Variants in CD47 observed in about 807,000 individuals in gnomAD.
CD47 encodes the protein leukocyte surface antigen CD47.
In CD47, 11 loss-of-function variants were observed where a neutral mutation model predicts 44.6. The ratio of observed to expected loss-of-function variants is 0.25; its 90% confidence interval spans 0.16 to 0.41. CD47 has a LOEUF of 0.41. CD47 is among the 10% of genes least tolerant of loss of function. The pLI is 1.00. For synonymous variants in CD47, 140 were observed against 136.3 expected (o/e 1.03, Z -0.19); for missense variants, 306 against 386.7 (o/e 0.79, Z 1.75).
At position 108,044,107 on chromosome 3, in the gene CD47, A is replaced by G. The variant is rs907829169; in HGVS notation, c.*3181T>C. The G allele has an allele frequency of 7.9e-5, 12 of 152,686 alleles. No homozygotes were observed. Among genetic ancestry groups the G allele is most frequent in the African/African-American group, 2.9e-4 (12 of 41,474 alleles). The allele number at this position is 152,686 out of a possible 1,614,324, so 9.5% of individuals were successfully genotyped here. ...AAGGAGTATGTGTTTCCATACATAC[A>G]CCACAGATCCCCATTTTTGAATACC... On this transcript the variant is annotated 3_prime_UTR_variant, in exon 11 of 11. Transcript: ENST00000361309.
chr3:108,089,460 T>C (rs2079586111), intron 1 of CD47, among the ~76,000 whole-genome samples: 1 of 152,238 alleles, frequency 6.6e-6, no homozygotes, highest in South Asian at 2.1e-4. Context: ...TTTTACTTTT[T>C]AGGCAGTTTG....
chr3:108,057,654 G>A, intron 6 of CD47, 85 bp from the exon 7 acceptor site: 1 of 723,722 alleles, frequency 1.4e-6, no homozygotes. Flanking sequence ...TTTTAAGAGA[G>A]TTATTCTAAC....
chr3:108,084,210 C>T (rs1486246170), intron 1 of CD47, among the ~76,000 whole-genome samples: 4 of 152,060 alleles, frequency 2.6e-5, no homozygotes, highest in Non-Finnish European at 5.9e-5. Context: ...TTCACCCCTA[C>T]TTCTTCATTA....
chr3:108,077,056 T>A (rs963079448), intron 2 of CD47, among the ~76,000 whole-genome samples: 1 of 152,160 alleles, frequency 6.6e-6, no homozygotes, highest in Admixed American at 6.5e-5. Context: ...CTATATCTTA[T>A]AGTGTTTCCA....
chr3:108,061,989 A>C (rs2079023089), intron 3 of CD47, among the ~76,000 whole-genome samples: 1 of 152,218 alleles, frequency 6.6e-6, no homozygotes, highest in African/African-American at 2.4e-5. Flanking sequence ...TATGACAGGT[A>C]CCTAAATATT....
intron 2 of CD47, among the ~76,000 whole-genome samples, chr3:108,074,991 G>C (rs1271778206): frequency 2.6e-5 from 4 of 152,200 alleles, no homozygotes; most frequent in Non-Finnish European, 5.9e-5. Context: ...GTTAACTCTT[G>C]TTCCTCAAGG....
rs140638830 is a variant in CD47 at position 108,069,952 on chromosome 3, TAA to T, written c.490+1139_490+1140del. 3.0e-3 allele frequency among the ~76,000 whole-genome samples: 450 copies of T among 152,290 alleles called. 4 individuals carry two copies. Among genetic ancestry groups the T allele is most frequent in the African/African-American group, 0.01 (431 of 41,566 alleles). Reference sequence around the variant, plus strand: ...AGAAGTCTAGACACTATCTTGAAAGTAAAAGTTATAAAATGTCTTGACAGTTG... The same window carrying T: ...AGAAGTCTAGACACTATCTTGAAAGTAAGTTATAAAATGTCTTGACAGTTG... On this transcript the variant is annotated intron_variant, in intron 3 of 10. Transcript: ENST00000361309.
chr3:108,066,655 G>A (rs978846270), intron 3 of CD47, among the ~76,000 whole-genome samples: 5 of 152,076 alleles, frequency 3.3e-5, no homozygotes, highest in African/African-American at 1.2e-4. Context: ...AATCAAAAGA[G>A]GAAACTAGGC....
At chr3:108,063,291 C>T (rs1480980871) in intron 3 of CD47, among the ~76,000 whole-genome samples, 1 of 152,152 alleles carries the variant, frequency 6.6e-6, no homozygotes, top group Non-Finnish European at 1.5e-5. Flanking sequence ...AAATCCAAAA[C>T]ACTTCTGGTC....
At chr3:108,085,970 C>G (rs1323599120) in intron 1 of CD47, among the ~76,000 whole-genome samples, 2 of 152,010 alleles carry the variant, frequency 1.3e-5, no homozygotes, top group Non-Finnish European at 2.9e-5. Context: ...CCTTAAAAAT[C>G]ACAAGAATGT....
chr3:108,058,095 T>A lies in CD47; in HGVS notation c.784+242A>T, dbSNP rs1473491063. Among the ~76,000 whole-genome samples, 3 of 152,176 alleles carry A rather than the reference T, an allele frequency of 2.0e-5. No homozygotes were observed. In the East Asian group the frequency reaches 5.8e-4, roughly 29 times the overall value. ...GAGAGTTTGGCAGTTTATTTCAACA[T>A]ACTCTTTACAGTCCCGTAATTGCAC... On this transcript the variant is annotated intron_variant, in intron 6 of 10. Transcript: ENST00000361309.
intron 2 of CD47, among the ~76,000 whole-genome samples, chr3:108,079,584 A>AC (rs2079376665): frequency 2.7e-5 from 4 of 149,222 alleles, no homozygotes; most frequent in African/African-American, 7.3e-5. Context: ...AAAAAAAAAA[A>AC]AAAAAAAAAA....
chr3:108,084,479 C>T (rs573422281), intron 1 of CD47, among the ~76,000 whole-genome samples: 112 of 152,116 alleles, frequency 7.4e-4, no homozygotes, highest in African/African-American at 1.5e-3. Flanking sequence ...AGATTCAGTA[C>T]CCTCTGCCCC....
At chr3:108,077,241 A>G (rs893887356) in intron 2 of CD47, among the ~76,000 whole-genome samples, 3 of 152,156 alleles carry the variant, frequency 2.0e-5, no homozygotes, top group Non-Finnish European at 4.4e-5. Flanking sequence ...TTAAATCCTC[A>G]AAGTCCGTGA....
chr3:108,048,878 T>C lies in CD47; in HGVS notation c.967+741A>G, dbSNP rs77190948. On this transcript the variant is annotated intron_variant, in intron 10 of 10. Transcript: ENST00000361309. Reference sequence around the variant, plus strand: ...TCAAAGGTAAGAAGACATTTTTTGATAAGATAAAAACATAAACATAATTAC... The same window carrying C: ...TCAAAGGTAAGAAGACATTTTTTGACAAGATAAAAACATAAACATAATTAC... Among the ~76,000 whole-genome samples the C allele has an allele frequency of 7.0e-4, 106 of 152,206 alleles. 2 individuals carry two copies. In the East Asian group the frequency reaches 0.018, roughly 25 times the overall value.
rs112186596 is a variant in CD47, at chr3:108,089,308, A to G, written c.46+1555T>C. Among the ~76,000 whole-genome samples the G allele has an allele frequency of 5.1e-3, 780 of 152,316 alleles. 2 individuals are homozygous for G. The highest frequency in any genetic ancestry group is 0.017 in the African/African-American group (709 of 41,564). On this transcript the variant is annotated intron_variant, in intron 1 of 10. Transcript: ENST00000361309. ...TCGAACACATTAAAATTGTGTGTAAACGAGTGCTAATTACATGATATTAAC... is the reference window on the plus strand; with the variant it reads ...TCGAACACATTAAAATTGTGTGTAAGCGAGTGCTAATTACATGATATTAAC...
At position 108,080,048 on chromosome 3, in the gene CD47, C is replaced by T. The variant is rs762902560; in HGVS notation, c.343G>A (p.Glu115Lys). ...AVSHTGNYTCEVTELTREGET... is the reference protein window; with the variant it reads ...AVSHTGNYTCKVTELTREGET... ...CCTTCTCTGGTTAATTCTGTTACTT[C>T]ACAAGTGTAGTTTCCTGTGTGTGAG... Residue 115 changes from glutamate (E) to lysine (K), a missense_variant, in exon 2 of 11, where the codon GAA becomes AAA. Physicochemically the swap from Glu to Lys is moderately conservative, Grantham distance 56. Coordinates refer to ENST00000361309, the MANE Select transcript of CD47 (RefSeq NM_001777.4). The T allele has an allele frequency of 1.9e-6, 3 of 1,612,834 alleles. No homozygotes were observed. Among genetic ancestry groups the T allele is most frequent in the Non-Finnish European group, 8.5e-7 (1 of 1,179,144 alleles).
At chr3:108,078,511 G>C (rs1560026202) in intron 2 of CD47, among the ~76,000 whole-genome samples, 1 of 151,074 alleles carries the variant, frequency 6.6e-6, no homozygotes, top group Non-Finnish European at 1.5e-5. Flanking sequence ...CCACAAAATT[G>C]TACATTACCT....
intron 3 of CD47, among the ~76,000 whole-genome samples, chr3:108,061,382 A>G (rs921047470): frequency 6.6e-6 from 1 of 152,056 alleles, no homozygotes; most frequent in African/African-American, 2.4e-5. Flanking sequence ...AGAAAAAGAG[A>G]ATTTTGTCCT....
Sources: allele counts gnomAD v4.1 joint callset (sites outside exome capture counted in the v4.1 genomes callset), GRCh38; gene constraint gnomAD v4.1.1; transcripts MANE v1.5; gene names NCBI Gene and HGNC (gene_info 2026-07-23, HGNC 2026-07-21).